The following ZFP90 variants were observed in gnomAD, a reference collection of about 807,000 sequenced individuals.
The protein encoded by ZFP90 is ZFP90 zinc finger protein.
In ZFP90, 38 loss-of-function variants were observed where a neutral mutation model predicts 60.8. The ratio of observed to expected loss-of-function variants is 0.62; its 90% CI spans 0.48 to 0.82. The LOEUF (loss-of-function observed/expected upper bound fraction) is 0.82, where lower values mean the gene tolerates loss of function less well. Ranked by LOEUF, ZFP90 falls within the 40% of genes least tolerant of loss-of-function variation. The pLI, the probability that ZFP90 is intolerant of heterozygous loss-of-function variation, is 0.00. For synonymous variants in ZFP90, 287 were observed against 264.8 expected (o/e 1.08, Z -0.82); for missense variants, 711 against 759.1 (o/e 0.94, Z 0.74).
Position 68,565,749 on chromosome 16 carries a change from A to G in ZFP90, c.*1051A>G, listed in dbSNP as rs750576103. ...GCAGAAAAGTTAAGTCTAATTGCCC[A>G]TTGCCATAAATTTTGCCTTGTACTC... On this transcript the variant is annotated 3_prime_UTR_variant, in exon 5 of 5. Coordinates refer to ENST00000563169, the MANE Select transcript of ZFP90 (RefSeq NM_001305203.2). 1 of 985,494 alleles carries G rather than the reference A, an allele frequency of 1.0e-6. No individual in the cohort carries two copies. The highest frequency in any genetic ancestry group is 1.2e-6 in the Non-Finnish European group (1 of 829,910). 61.0% of individuals were successfully genotyped at this position (985,494 alleles called of 1,614,324 possible).
At chr16:68,548,087 A>G (rs1284951137) in intron 2 of ZFP90, among the ~76,000 whole-genome samples, 2 of 152,076 alleles carry the variant, frequency 1.3e-5, no homozygotes, top group Admixed American at 6.6e-5. Context: ...TCAGCCTCCC[A>G]AAGTGCTGGG....
At chr16:68,573,320 G>C (rs1251764892) in intron 2 of ZFP90, among the ~76,000 whole-genome samples, 2 of 152,142 alleles carry the variant, frequency 1.3e-5, no homozygotes, top group Non-Finnish European at 2.9e-5. Flanking sequence ...TGGACCCAGG[G>C]GTGCCATCAG....
At chr16:68,572,190 TC>T (rs34125249) in intron 2 of ZFP90, among the ~76,000 whole-genome samples, 1 of 151,388 alleles carries the variant, frequency 6.6e-6, no homozygotes, top group Non-Finnish European at 1.5e-5. Context: ...TTTTTTTTTT[TC>T]CATTTGGAAA....
At chr16:68,545,245 C>A (rs1340868302) in intron 2 of ZFP90, among the ~76,000 whole-genome samples, 1 of 151,894 alleles carries the variant, frequency 6.6e-6, no homozygotes, top group Non-Finnish European at 1.5e-5. Context: ...TTCTCTGTAC[C>A]AGGTTTTGTA....
chr16:68,543,037 G>A (rs900311153), intron 2 of ZFP90, among the ~76,000 whole-genome samples: 1 of 152,184 alleles, frequency 6.6e-6, no homozygotes, highest in Non-Finnish European at 1.5e-5. Flanking sequence ...GTGGGGAGGT[G>A]GGAGGTTTGT....
Position 68,557,982 on chromosome 16 carries a change from G to C in ZFP90, c.34-16G>C, listed in dbSNP as rs556245010. ...GTGGGGTTGATCCCCAGTTGAACAG[G>C]AATGTGATTTTACAGGAATCAGTGA... On this transcript the variant is annotated splice_polypyrimidine_tract_variant and intron_variant, in intron 2 of 4. Transcript: ENST00000563169. The C allele has an allele frequency of 8.2e-5, 133 of 1,613,350 alleles. 2 individuals carry two copies. In the South Asian group the frequency reaches 1.3e-3, roughly 16 times the overall value.
intron 2 of ZFP90, among the ~76,000 whole-genome samples, chr16:68,556,416 C>T (rs747771418): frequency 1.5e-4 from 23 of 152,104 alleles, no homozygotes; most frequent in African/African-American, 5.6e-4. Context: ...TTTTAGCTAG[C>T]GAGCCAGGAG....
Position 68,564,305 on chromosome 16 carries a change from C to T in ZFP90, c.1518C>T (p.Phe506=). 1 of 1,613,968 alleles carries T rather than the reference C, an allele frequency of 6.2e-7. No homozygotes were observed. Among genetic ancestry groups the T allele is most frequent in the East Asian group, 2.2e-5 (1 of 44,864 alleles). The change falls in exon 5 of 5, where the codon TTC becomes TTT. Residue 506 remains phenylalanine, a synonymous_variant. Transcript: ENST00000563169. ...PYQCNVCGKA[F]KRSTSFIEHH... is the part of the protein sequence containing the mutation. ...AATGTAATGTATGTGGGAAAGCTTTCAAAAGGAGTACAAGTTTCATAGAGC... is the reference window on the plus strand; with the variant it reads ...AATGTAATGTATGTGGGAAAGCTTTTAAAAGGAGTACAAGTTTCATAGAGC...
rs2091493985 is a variant in ZFP90 at position 68,564,603 on chromosome 16, G to GA, written c.1821dup (p.Pro608ThrfsTer5). 2 of 1,614,118 alleles carry GA rather than the reference G, an allele frequency of 1.2e-6. No individual in the cohort carries two copies. The highest frequency in any genetic ancestry group is 1.1e-5 in the South Asian group (1 of 91,062). ...TGATCATCAGAGAATTCATACTGGA[G>GA]AAAAACCCTATTCTTGTAAGGAATG... is the stretch of plus-strand genomic sequence containing the variant. On this transcript the variant is annotated frameshift_variant, in exon 5 of 5. Transcript: ENST00000563169. LOFTEE classifies it high-confidence loss of function.
chr16:68,543,879 T>C (rs986307982), intron 2 of ZFP90, among the ~76,000 whole-genome samples: 90 of 118,952 alleles, frequency 7.6e-4, no homozygotes, highest in African/African-American at 2.8e-3. Context: ...TTTTTTTTTT[T>C]CGAGGTAGAG....
chr16:68,565,693 C>T lies in ZFP90; in HGVS notation c.*995C>T, dbSNP rs372028234. The T allele has an allele frequency of 7.1e-6, 7 of 984,228 alleles. No individual in the cohort carries two copies. Among genetic ancestry groups the T allele is most frequent in the East Asian group, 1.1e-4 (1 of 8,872 alleles). 61.0% of individuals were successfully genotyped at this position (984,228 alleles called of 1,614,324 possible). A position where few individuals can be genotyped will look rare whatever the true frequency, so the allele number is the denominator to read the frequency against. On this transcript the variant is annotated 3_prime_UTR_variant, in exon 5 of 5. Transcript: ENST00000563169. Reference sequence around the variant, plus strand: ...AGATCAATGGGAAAACAACAGAAAACTAAGAGGAGAATTTTCCCGTTAATT... The same window carrying T: ...AGATCAATGGGAAAACAACAGAAAATTAAGAGGAGAATTTTCCCGTTAATT...
intron 2 of ZFP90, among the ~76,000 whole-genome samples, 157 bp downstream of exon 2, chr16:68,539,982 G>A (rs576063067): frequency 4.1e-4 from 63 of 152,358 alleles, no homozygotes; most frequent in African/African-American, 1.5e-3. Context: ...AGGCTTTGGG[G>A]AGCTGGATTC....
At chr16:68,552,459 G>C (rs543348093) in intron 2 of ZFP90, among the ~76,000 whole-genome samples, 1 of 152,276 alleles carries the variant, frequency 6.6e-6, no homozygotes, top group East Asian at 1.9e-4. Context: ...GGGGGACACA[G>C]CCCAGACCTG....
rs2091586351 is a variant in ZFP90, at chr16:68,574,944, T to TAAAAA, written c.224-847_224-846insAAAAA. Among the ~76,000 whole-genome samples the TAAAAA allele has an allele frequency of 8.6e-5, 6 of 69,986 alleles. 1 individual carries two copies. The highest frequency in any genetic ancestry group is 3.3e-4 in the African/African-American group (6 of 18,194). 45.9% of individuals were successfully genotyped at this position (69,986 alleles called of 152,430 possible). ...CCTGTCTCAAAAAAAAAAAAAAAAG[T>TAAAAA]GGAAAAAAAAAGAGACACTGTGAAA... is the stretch of plus-strand genomic sequence containing the variant. On this transcript the variant is annotated intron_variant, in intron 2 of 2. Coordinates refer to the ZFP90 transcript ENST00000573113.
At chr16:68,549,639 A>G (rs2091218729) in intron 2 of ZFP90, among the ~76,000 whole-genome samples, 1 of 139,356 alleles carries the variant, frequency 7.2e-6, no homozygotes, top group Admixed American at 7.8e-5. Context: ...AGATCGTGCC[A>G]CTGCACTCCA....
rs547979801 is a variant in ZFP90, at chr16:68,533,916, A to G, written c.-36+61A>G. 9.8e-5 allele frequency: 15 copies of G among 152,306 alleles called. No individual in the cohort carries two copies. The East Asian group carries it at 2.7e-3, about 27-fold the overall frequency. The allele number at this position is 152,306 out of a possible 1,614,324, so 9.4% of individuals were successfully genotyped here. A position where few individuals can be genotyped will look rare whatever the true frequency, so the allele number is the denominator to read the frequency against. ...ATCTTTGGTGTTCTATAGTTTCACT[A>G]TGATGTGTTTCAATGTAAATTTATT... On this transcript the variant is annotated intron_variant, in intron 2 of 3. Coordinates refer to the ZFP90 transcript ENST00000569109.
intron 2 of ZFP90, among the ~76,000 whole-genome samples, chr16:68,554,697 A>G (rs1250560714): frequency 1.3e-5 from 2 of 152,096 alleles, no homozygotes; most frequent in African/African-American, 4.8e-5. Context: ...CACACTTGTA[A>G]TCTCAGCACT....
upstream of ZFP90, among the ~76,000 whole-genome samples, chr16:68,536,952 C>G (rs1296325720): frequency 3.3e-5 from 5 of 152,192 alleles, no homozygotes; most frequent in Admixed American, 2.0e-4. Flanking sequence ...TCCCAGTCTA[C>G]CTGCCCTACC....
chr16:68,548,576 C>T (rs978244976), intron 2 of ZFP90, among the ~76,000 whole-genome samples: 3 of 150,292 alleles, frequency 2.0e-5, no homozygotes, highest in South Asian at 2.1e-4. Context: ...CCGCTACCTC[C>T]GCTTCCCAGG....
Sources: allele counts gnomAD v4.1 joint callset (sites outside exome capture counted in the v4.1 genomes callset), GRCh38; gene constraint gnomAD v4.1.1; transcripts MANE v1.5; gene names NCBI Gene and HGNC (gene_info 2026-07-23, HGNC 2026-07-21).